The following SPACA1 variants were observed in gnomAD, a reference collection of about 807,000 sequenced individuals.
The protein encoded by SPACA1 is sperm acrosome membrane-associated protein 1.
Under a neutral mutation model 32.6 loss-of-function variants are expected in SPACA1, and 17 were observed. The ratio of observed to expected loss-of-function variants is 0.52; its 90% CI spans 0.36 to 0.78. The LOEUF (loss-of-function observed/expected upper bound fraction) is 0.78, where lower values mean the gene tolerates loss of function less well. Among genes scored for constraint, SPACA1 ranks in the 30% least tolerant of loss-of-function variants. SPACA1 has a pLI of 0.01. For missense variants in SPACA1, 363 were observed against 373.4 expected (o/e 0.97, Z 0.23); for synonymous variants, 140 against 138.1 (o/e 1.01, Z -0.10).
chr6:88,066,114 A>T, intron 6 of SPACA1, 68 bp from the exon 7 acceptor site: 6 of 1,270,142 alleles, frequency 4.7e-6, no homozygotes, highest in South Asian at 3.3e-5. Flanking sequence ...TACATAGAAA[A>T]TATAGAAATC....
chr6:88,050,944 G>A (rs1402132023), intron 1 of SPACA1, among the ~76,000 whole-genome samples: 3 of 151,780 alleles, frequency 2.0e-5, no homozygotes, highest in African/African-American at 2.4e-5. Flanking sequence ...GGTGGAGATC[G>A]AGAGCATCCT....
chr6:88,061,536 T>TGAAAATGGAGAC (rs1468319651), intron 5 of SPACA1, among the ~76,000 whole-genome samples: 1 of 152,028 alleles, frequency 6.6e-6, no homozygotes, highest in East Asian at 1.9e-4. Flanking sequence ...GACAGCCATG[T>TGAAAATGGAGAC]GAAAATGGAG....
At position 88,053,908 on chromosome 6, in the gene SPACA1, A is replaced by G. The variant is rs1409843678; in HGVS notation, c.209-38A>G. 3.2e-6 allele frequency: 5 copies of G among 1,578,116 alleles called. No individual in the cohort carries two copies. The African/African-American group carries it at 4.1e-5, about 13-fold the overall frequency. ...AGGTGTTTCACTTAGAAAAGTTTTC[A>G]TATAATTAAATAATGTATCTTTACC... On this transcript the variant is annotated intron_variant, in intron 1 of 6. Transcript: ENST00000237201.
At chr6:88,046,993 A>C (rs577378639), upstream of SPACA1, among the ~76,000 whole-genome samples, 3 of 152,202 alleles carry the variant, frequency 2.0e-5, no homozygotes, top group African/African-American at 7.2e-5. Flanking sequence ...ATTAAGCCTC[A>C]AAGTATGGCA....
At chr6:88,064,375 A>G (rs1423097598) in intron 6 of SPACA1, 156 bp downstream of exon 6, 2 of 605,056 alleles carry the variant, frequency 3.3e-6, no homozygotes, top group Admixed American at 6.3e-5. Flanking sequence ...GCCCTAGTTC[A>G]GGCTGCCCCG....
At chr6:88,061,432 GCACACACACACACA>G (rs71554769) in intron 5 of SPACA1, among the ~76,000 whole-genome samples, 1 of 150,036 alleles carries the variant, frequency 6.7e-6, no homozygotes, top group African/African-American at 2.5e-5. Context: ...ATGCTTGTGC[GCACACACACACACA>G]CACACACACA....
chr6:88,063,299 C>G (rs1775924376), intron 5 of SPACA1, among the ~76,000 whole-genome samples: 1 of 152,140 alleles, frequency 6.6e-6, no homozygotes, highest in Non-Finnish European at 1.5e-5. Flanking sequence ...TATCTCACAA[C>G]TGGAACAGCC....
intron 1 of SPACA1, among the ~76,000 whole-genome samples, chr6:88,052,548 A>G (rs758933746): frequency 1.3e-5 from 2 of 152,304 alleles, no homozygotes; most frequent in East Asian, 3.9e-4. Context: ...GCAAGATACT[A>G]TACTGGGGCT....
chr6:88,053,939 T>C lies in SPACA1; in HGVS notation c.209-7T>C, dbSNP rs1775767807. 7 of 1,612,048 alleles carry C rather than the reference T, an allele frequency of 4.3e-6. No individual in the cohort carries two copies. Among genetic ancestry groups the C allele is most frequent in the Non-Finnish European group, 4.2e-6 (5 of 1,178,564 alleles). On this transcript the variant is annotated splice_polypyrimidine_tract_variant and splice_region_variant and intron_variant, in intron 1 of 6. Transcript: ENST00000237201. The stretch of plus-strand genomic sequence containing the variant: ...TTAAATAATGTATCTTTACCCTTTA[T>C]GTTTAGTTTCAAATAGGAATGTCGT...
chr6:88,057,388 C>G (rs1309242957), intron 2 of SPACA1, among the ~76,000 whole-genome samples: 1 of 152,026 alleles, frequency 6.6e-6, no homozygotes, highest in Non-Finnish European at 1.5e-5. Flanking sequence ...CTTATGGTAA[C>G]CAGAGGAACT....
In SPACA1 at chr6:88,064,163, A is replaced by T; in HGVS notation, c.675A>T (p.Ile225=). 1 of 1,613,402 alleles carries T rather than the reference A, an allele frequency of 6.2e-7. No individual in the cohort carries two copies. The highest frequency in any genetic ancestry group is 8.5e-7 in the Non-Finnish European group (1 of 1,179,574). The stretch of plus-strand genomic sequence containing the variant: ...CAGCCCTAATTTTTGTGCTGACCAT[A>T]GGAGTCATTATCTGTGTATTTATAA... The part of the protein sequence containing the change: ...TDAALIFVLT[I]GVIICVFIIF... Residue 225 remains isoleucine, a synonymous_variant, in exon 6 of 7, where the codon ATA becomes ATT. Coordinates refer to ENST00000237201, the MANE Select transcript of SPACA1 (RefSeq NM_030960.3).
chr6:88,052,024 A>AT (rs935586084), intron 1 of SPACA1, among the ~76,000 whole-genome samples: 71 of 151,992 alleles, frequency 4.7e-4, no homozygotes, highest in Non-Finnish European at 8.1e-4. Flanking sequence ...CAGACCATAT[A>AT]TTTTTTTTAC....
At position 88,053,984 on chromosome 6, in the gene SPACA1, A is replaced by C. The variant is rs138093489; in HGVS notation, c.247A>C (p.Met83Leu). Residue 83 changes from methionine to leucine, a missense_variant, in exon 2 of 7, where the codon ATG becomes CTG. Transcript: ENST00000237201. The part of the protein sequence containing the change: ...RNVVKEVEFG[M>L]CTVTCGIGVR... ...TGTCGTCAAAGAAGTAGAATTCGGA[A>C]TGTGCACCGTTACATGTGGTAAGTA... 1.1e-5 allele frequency: 17 copies of C among 1,613,560 alleles called. No homozygotes were observed. The highest frequency in any genetic ancestry group is 1.3e-5 in the African/African-American group (1 of 74,920).
intron 2 of SPACA1, 77 bp from the exon 3 acceptor site, chr6:88,057,535 G>A: frequency 1.1e-6 from 1 of 926,736 alleles, no homozygotes; most frequent in South Asian, 1.5e-5. Context: ...CTTAAGAAAA[G>A]ACCTAGGTGG....
Position 88,059,434 on chromosome 6 carries a change from T to A in SPACA1, c.475-19T>A. 6.3e-7 allele frequency: 1 copy of A among 1,575,192 alleles called. No homozygotes were observed. The highest frequency in any genetic ancestry group is 8.6e-7 in the Non-Finnish European group (1 of 1,160,486). ...CATGAAAAATGTTGATACTTTGTTA[T>A]TTTTTTCTTTTTAAATAGCAATCCA... On this transcript the variant is annotated intron_variant, in intron 4 of 6. Transcript: ENST00000237201.
Position 88,048,205 on chromosome 6 carries a change from T to A in SPACA1, c.208+92T>A. Reference sequence around the variant, plus strand: ...TGCCTGAGAACCATAATTATGTGTGTTAACGTCAGGAGAGCTCTCTCTCAT... The same window carrying A: ...TGCCTGAGAACCATAATTATGTGTGATAACGTCAGGAGAGCTCTCTCTCAT... On this transcript the variant is annotated intron_variant, in intron 1 of 6. Coordinates refer to ENST00000237201, the MANE Select transcript of SPACA1 (RefSeq NM_030960.3). 3 of 1,303,948 alleles carry A rather than the reference T, an allele frequency of 2.3e-6. No individual in the cohort carries two copies. The South Asian group carries it at 4.3e-5, about 19-fold the overall frequency. The allele number at this position is 1,303,948 out of a possible 1,614,324, so 80.8% of individuals were successfully genotyped here.
At chr6:88,053,848 C>A in intron 1 of SPACA1, 98 bp from the exon 2 acceptor site, 2 of 917,728 alleles carry the variant, frequency 2.2e-6, no homozygotes, top group Non-Finnish European at 3.4e-6. Context: ...TGTCTGCTGC[C>A]CATATCATAC....
In SPACA1 at chr6:88,057,743, T is replaced by C. The variant is rs572905991; in HGVS notation, c.367+30T>C. On this transcript the variant is annotated intron_variant, in intron 3 of 6. Coordinates refer to ENST00000237201, the MANE Select transcript of SPACA1 (RefSeq NM_030960.3). ...GTTGAATTATGTATTGGAGGGAGAC[T>C]GTGGGCAAGAGTTTACTCTGGGGAA... 21 of 1,580,324 alleles carry C rather than the reference T, an allele frequency of 1.3e-5. No homozygotes were observed. The East Asian group carries it at 3.8e-4, about 29-fold the overall frequency.
At chr6:88,056,979 T>C (rs540536333) in intron 2 of SPACA1, among the ~76,000 whole-genome samples, 1 of 152,340 alleles carries the variant, frequency 6.6e-6, no homozygotes, top group African/African-American at 2.4e-5. Flanking sequence ...ATCTAAATAT[T>C]TAAAGGCATC....
Sources: gnomAD v4.1 joint callset for allele counts (sites outside exome capture counted in the v4.1 genomes callset) on GRCh38, gnomAD v4.1.1 for gene constraint, MANE v1.5 for transcripts, NCBI Gene and HGNC (gene_info 2026-07-23, HGNC 2026-07-21) for gene names.